Variants in ZYG11B observed in about 807,000 individuals in gnomAD.
The protein encoded by ZYG11B is zyg-11 family member B, cell cycle regulator, also known as protein zyg-11 homolog B.
In ZYG11B, 36 loss-of-function variants were observed where a neutral mutation model predicts 82.4. The observed-to-expected ratio is 0.44, with a 90% CI of 0.33 to 0.58. ZYG11B has a LOEUF of 0.58. Ranked by LOEUF, ZYG11B falls within the 20% of genes least tolerant of loss-of-function variation. ZYG11B has a pLI of 0.02. For missense variants in ZYG11B, 552 were observed against 895.6 expected (o/e 0.62, Z 4.90); for synonymous variants, 303 against 312.8 (o/e 0.97, Z 0.33).
Position 52,726,636 on chromosome 1 carries a change from AC to A in ZYG11B, c.-15del, listed in dbSNP as rs552426726. 252 of 1,461,258 alleles carry A rather than the reference AC, an allele frequency of 1.7e-4. No homozygotes were observed. The highest frequency in any genetic ancestry group is 2.2e-4 in the Non-Finnish European group (243 of 1,112,682). 90.5% of individuals were successfully genotyped at this position (1,461,258 alleles called of 1,614,324 possible). A position where few individuals can be genotyped will look rare whatever the true frequency, so the allele number is the denominator to read the frequency against. ...GGGCTCCGGTCCGGCCCGCCGCCGC[AC>A]CCAGGACGGAGGCTGCATGCCCGAG... On this transcript the variant is annotated 5_prime_UTR_variant, in exon 1 of 14. Coordinates refer to ENST00000294353, the MANE Select transcript of ZYG11B (RefSeq NM_024646.3).
At chr1:52,756,882 A>G (rs796908040) in intron 2 of ZYG11B, among the ~76,000 whole-genome samples, 4 of 150,836 alleles carry the variant, frequency 2.7e-5, no homozygotes, top group African/African-American at 9.7e-5. Flanking sequence ...CAGTGGTGCA[A>G]ACACGGCTCA....
Position 52,823,614 on chromosome 1 carries a change from T to A in ZYG11B, c.*1985T>A, listed in dbSNP as rs999854560. The A allele has an allele frequency of 6.6e-6, 1 of 152,144 alleles. No individual in the cohort carries two copies. The highest frequency in any genetic ancestry group is 2.4e-5 in the African/African-American group (1 of 41,448). 9.4% of individuals were successfully genotyped at this position (152,144 alleles called of 1,614,324 possible). A position where few individuals can be genotyped will look rare whatever the true frequency, so the allele number is the denominator to read the frequency against. ...GTAGTTTGGAAATTGCTAGATATGT[T>A]GACCGTTTCCAGGTCTTTTATCTAG... On this transcript the variant is annotated 3_prime_UTR_variant, in exon 14 of 14. Transcript: ENST00000294353.
intron 1 of ZYG11B, among the ~76,000 whole-genome samples, chr1:52,747,060 C>T (rs1644483878): frequency 2.0e-5 from 3 of 151,334 alleles, no homozygotes; most frequent in Non-Finnish European, 2.9e-5. Context: ...TTCCAGCATC[C>T]TCATATACAA....
intron 1 of ZYG11B, among the ~76,000 whole-genome samples, chr1:52,744,580 C>T (rs1418883301): frequency 2.0e-5 from 3 of 152,208 alleles, no homozygotes; most frequent in African/African-American, 2.4e-5. Flanking sequence ...CGCTAGCTCA[C>T]GCCTGTAATC....
intron 1 of ZYG11B, among the ~76,000 whole-genome samples, chr1:52,739,148 G>A (rs1250044973): frequency 1.3e-4 from 19 of 151,304 alleles, no homozygotes. Flanking sequence ...CACCACGCCT[G>A]GCTAATTTTT....
At chr1:52,760,655 G>A (rs1644621781) in intron 2 of ZYG11B, among the ~76,000 whole-genome samples, 1 of 151,374 alleles carries the variant, frequency 6.6e-6, no homozygotes, top group Admixed American at 6.6e-5. Flanking sequence ...ACAGGGTCTT[G>A]CCATGTTCCC....
At chr1:52,812,517 C>T (rs895055985) in intron 10 of ZYG11B, among the ~76,000 whole-genome samples, 1 of 152,094 alleles carries the variant, frequency 6.6e-6, no homozygotes, top group Non-Finnish European at 1.5e-5. Context: ...ATTCTCCTGC[C>T]TCAGCCTCCC....
At chr1:52,804,846 C>T (rs1437731721) in intron 10 of ZYG11B, among the ~76,000 whole-genome samples, 1 of 151,834 alleles carries the variant, frequency 6.6e-6, no homozygotes, top group Admixed American at 6.6e-5. Context: ...AATCCCAGCA[C>T]TTTGGGAGGC....
At position 52,787,355 on chromosome 1, in the gene ZYG11B, ATTAT is replaced by A. The variant is rs778102229; in HGVS notation, c.1269+2306_1269+2309del. 2.8e-4 allele frequency among the ~76,000 whole-genome samples: 42 copies of A among 152,340 alleles called. 1 individual carries two copies. Among genetic ancestry groups the A allele is most frequent in the Admixed American group, 1.2e-3 (19 of 15,292 alleles). On this transcript the variant is annotated intron_variant, in intron 5 of 13. Transcript: ENST00000294353. ...AGAAACTTGCAAAACTATACGACAC[ATTAT>A]TTAGGAATATAAATACATGTTTTGA...
chr1:52,783,632 T>C (rs992446133), intron 4 of ZYG11B, among the ~76,000 whole-genome samples: 5 of 149,160 alleles, frequency 3.4e-5, no homozygotes, highest in African/African-American at 1.2e-4. Flanking sequence ...TTTTTTCTCT[T>C]TTCCTTAGAG....
At chr1:52,798,018 G>T (rs1645042536) in intron 8 of ZYG11B, among the ~76,000 whole-genome samples, 1 of 151,884 alleles carries the variant, frequency 6.6e-6, no homozygotes. Flanking sequence ...AACTACTCAA[G>T]AGGCTGAGGT....
chr1:52,801,025 C>T (rs957156538), intron 8 of ZYG11B, among the ~76,000 whole-genome samples: 1 of 152,048 alleles, frequency 6.6e-6, no homozygotes, highest in Non-Finnish European at 1.5e-5. Flanking sequence ...TTTAAAACCA[C>T]TTACTTTTCA....
At chr1:52,811,935 G>T (rs1251037380) in intron 10 of ZYG11B, among the ~76,000 whole-genome samples, 2 of 152,080 alleles carry the variant, frequency 1.3e-5, no homozygotes, top group Admixed American at 6.5e-5. Flanking sequence ...GGAGGCTGAG[G>T]CGGGAGAATG....
intron 2 of ZYG11B, among the ~76,000 whole-genome samples, chr1:52,759,473 G>C (rs963123341): frequency 1.3e-5 from 2 of 152,222 alleles, no homozygotes; most frequent in African/African-American, 2.4e-5. Context: ...TGTCCTCAGA[G>C]TAATGTCTTT....
At position 52,827,115 on chromosome 1, in the gene ZYG11B, CCTTT is replaced by C. The variant is rs749061019; in HGVS notation, c.*5489_*5492del. 4 of 152,188 alleles carry C rather than the reference CCTTT, an allele frequency of 2.6e-5. No individual in the cohort carries two copies. The highest frequency in any genetic ancestry group is 3.8e-4 in the East Asian group (2 of 5,202). The allele number at this position is 152,188 out of a possible 1,614,324, so 9.4% of individuals were successfully genotyped here. Reference sequence around the variant, plus strand: ...TGAATTCTGATAGAACAGTTTAACTCCTTTCTAAGGATATAAAAAATTCATTGGA... The same window carrying C: ...TGAATTCTGATAGAACAGTTTAACTCCTAAGGATATAAAAAATTCATTGGA... On this transcript the variant is annotated 3_prime_UTR_variant, in exon 14 of 14. Transcript: ENST00000294353.
At chr1:52,776,229 A>AAAAAAAAAAAATATATATATATATAT in intron 3 of ZYG11B, among the ~76,000 whole-genome samples, 28 of 23,526 alleles carry the variant, frequency 1.2e-3, no homozygotes, top group South Asian at 4.7e-3. Flanking sequence ...TAAAAAAAAA[A>AAAAAAAAAAAATATATATATATATAT]ATATATATAT....
intron 2 of ZYG11B, 133 bp downstream of exon 2, chr1:52,756,756 G>T: frequency 2.9e-6 from 2 of 700,190 alleles, no homozygotes; most frequent in South Asian, 3.2e-5. Flanking sequence ...CCAGGACTAT[G>T]AATTCATTTA....
intron 1 of ZYG11B, among the ~76,000 whole-genome samples, chr1:52,731,288 A>G (rs563657140): frequency 6.6e-6 from 1 of 151,612 alleles, no homozygotes; most frequent in Non-Finnish European, 1.5e-5. Flanking sequence ...AAAAAAGAAA[A>G]AAAAAAAAAA....
intron 1 of ZYG11B, among the ~76,000 whole-genome samples, chr1:52,730,344 T>C (rs1644320174): frequency 6.6e-6 from 1 of 152,164 alleles, no homozygotes; most frequent in Non-Finnish European, 1.5e-5. Context: ...TTATTTATTT[T>C]GAGATAGGGT....
Sources: allele counts gnomAD v4.1 joint callset (sites outside exome capture counted in the v4.1 genomes callset), GRCh38; gene constraint gnomAD v4.1.1; transcripts MANE v1.5; gene names NCBI Gene and HGNC (gene_info 2026-07-23, HGNC 2026-07-21).